CFAP74: variants seen among roughly 807,000 people sequenced by gnomAD.
The protein encoded by CFAP74 is cilia- and flagella-associated protein 74.
CFAP74 carries 124 observed loss-of-function variants against 188.9 expected under a neutral mutation model. The observed-to-expected ratio is 0.66, with a 90% confidence interval of 0.57 to 0.76. The LOEUF is 0.76. CFAP74 is among the 30% of genes least tolerant of loss of function. The probability of loss-of-function intolerance (pLI) is 0.00; values close to 1 mark genes in which losing one functional copy is unlikely to be tolerated. For missense variants in CFAP74, 2,198 were observed against 2,165.2 expected, an observed-to-expected ratio of 1.02 and a Z score of -0.30; for synonymous variants, 956 against 916.7, an observed-to-expected ratio of 1.04 and a Z score of -0.77.
chr1:1,970,948 T>G (rs982405676), intron 9 of CFAP74, 132 bp from the exon 10 acceptor site: 4 of 1,056,096 alleles, frequency 3.8e-6, no homozygotes, highest in Non-Finnish European at 5.5e-6. Context: ...CATGCACACC[T>G]GCACATGCAC....
chr1:1,973,354 G>T lies in CFAP74; in HGVS notation c.675-307C>A, dbSNP rs761272382. ...CAGGCACAGCAGTGCTGTGGGGAGG[G>T]AGGAGGCAGGGGCTGGGGACCTTGT... On this transcript the variant is annotated intron_variant, in intron 7 of 38. Transcript: ENST00000682832. This position sits in a 1 kb window ranked among gnomAD's most constrained non-coding sequence, Gnocchi z 6.2. 1.8e-4 allele frequency among the ~76,000 whole-genome samples: 27 copies of T among 152,218 alleles called. No homozygotes were observed. The highest frequency in any genetic ancestry group is 3.2e-4 in the Non-Finnish European group (22 of 68,038).
At chr1:1,981,330 C>T (rs1570969262) in intron 6 of CFAP74, among the ~76,000 whole-genome samples, 1 of 152,138 alleles carries the variant, frequency 6.6e-6, no homozygotes, top group African/African-American at 2.4e-5. Flanking sequence ...AGGGAGGGGG[C>T]GCTGCCTCCA....
intron 6 of CFAP74, among the ~76,000 whole-genome samples, chr1:1,981,156 C>T (rs1258169595): frequency 6.6e-6 from 1 of 152,252 alleles, no homozygotes; most frequent in Non-Finnish European, 1.5e-5. Context: ...GGCTCTACCG[C>T]TGGAAGCCCC....
intron 24 of CFAP74, among the ~76,000 whole-genome samples, chr1:1,939,315 G>C (rs1024921320): frequency 2.6e-5 from 4 of 152,242 alleles, no homozygotes; most frequent in East Asian, 3.8e-4. Flanking sequence ...CCTCGTCCCA[G>C]CTACCTTGTG....
chr1:1,976,436 C>T (rs139951454), intron 6 of CFAP74, among the ~76,000 whole-genome samples: 1 of 152,346 alleles, frequency 6.6e-6, no homozygotes, highest in Non-Finnish European at 1.5e-5. Flanking sequence ...CTTCCCCTTC[C>T]ACTGTGATTG....
Position 1,942,362 on chromosome 1 carries a change from C to G in CFAP74, c.2487-206G>C, listed in dbSNP as rs1386036552. ...AGGGCTGTTTTTTCTGAAATGAAAT[C>G]TGATGAAGAATTCTTAAAAATAACC... On this transcript the variant is annotated intron_variant, in intron 21 of 38. Coordinates refer to ENST00000682832, the MANE Select transcript of CFAP74 (RefSeq NM_001304360.2). This position sits in a 1 kb window ranked among gnomAD's most constrained non-coding sequence, Gnocchi z 4.3. Among the ~76,000 whole-genome samples the G allele has an allele frequency of 6.6e-6, 1 of 152,194 alleles. No homozygotes were observed. The highest frequency in any genetic ancestry group is 2.4e-5 in the African/African-American group (1 of 41,454).
At chr1:1,982,326 G>A (rs1656951874) in intron 6 of CFAP74, among the ~76,000 whole-genome samples, 1 of 150,576 alleles carries the variant, frequency 6.6e-6, no homozygotes, top group Non-Finnish European at 1.5e-5. Flanking sequence ...GGTCACACGC[G>A]GGGACACGCA....
rs770367119 is a variant in CFAP74 at position 1,923,437 on chromosome 1, G to C, written c.4452C>G (p.Gly1484=). The change falls in exon 36 of 39, where the codon GGC becomes GGG. Residue 1484 remains glycine (G), a synonymous_variant. Transcript: ENST00000682832. The surrounding 1 kb of genome is among the most constrained non-coding windows in gnomAD (Gnocchi z 6.3). ...CCACGGGCACGTCCAGGGGGTCGCC[G>C]CCCTCCACGAACATCATGTGCTGAC... is the stretch of plus-strand genomic sequence containing the variant. ...AACQHMMFVE[G]GDPLDVPVES... is the part of the protein sequence containing the mutation. The C allele has an allele frequency of 5.0e-6, 8 of 1,606,270 alleles. No homozygotes were observed. In the African/African-American group the frequency reaches 5.3e-5, roughly 11 times the overall value.
Position 1,923,890 on chromosome 1 carries a change from G to A in CFAP74, c.4274C>T (p.Ala1425Val). ...GGGGTCCATGACGCCCTTGACGGGG[G>A]CCACGCTGAACACGCTCTGACCGTT... ...NLNGQSVFSV[A>V]PVKGVMDPGK... Residue 1425 changes from alanine (A) to valine (V), a missense_variant, in exon 35 of 39, where the codon GCC becomes GTC. By Grantham distance (64) the Ala-to-Val change is moderately conservative. Coordinates refer to ENST00000682832, the MANE Select transcript of CFAP74 (RefSeq NM_001304360.2). The surrounding 1 kb of genome is among the most constrained non-coding windows in gnomAD (Gnocchi z 6.3). The A allele has an allele frequency of 6.2e-7, 1 of 1,612,950 alleles. No individual in the cohort carries two copies. Among genetic ancestry groups the A allele is most frequent in the Non-Finnish European group, 8.5e-7 (1 of 1,179,692 alleles).
intron 22 of CFAP74, among the ~76,000 whole-genome samples, chr1:1,941,135 G>GAAAGAAAGAAAGGAAAGAAAGAAAT (rs1558005803): frequency 6.6e-6 from 1 of 151,668 alleles, no homozygotes; most frequent in African/African-American, 2.4e-5. Flanking sequence ...AAGAAAGAAA[G>GAAAGAAAGAAAGGAAAGAAAGAAAT]AAATATCAGG....
At chr1:1,966,603 G>C (rs777245073) in intron 11 of CFAP74, 77 bp from the exon 12 acceptor site, 25 of 1,323,784 alleles carry the variant, frequency 1.9e-5, no homozygotes, top group Non-Finnish European at 2.1e-5. Flanking sequence ...CCCAGCCCCC[G>C]CCGGTATGGC....
chr1:1,956,919 C>T (rs182408534), intron 16 of CFAP74, 135 bp from the exon 17 acceptor site: 26 of 864,512 alleles, frequency 3.0e-5, no homozygotes, highest in Non-Finnish European at 4.1e-5. Context: ...AGCAGGTACA[C>T]GATTCAACCC....
At chr1:1,974,714 C>T (rs558469726) in intron 6 of CFAP74, among the ~76,000 whole-genome samples, 2 of 152,340 alleles carry the variant, frequency 1.3e-5, no homozygotes, top group South Asian at 4.1e-4. Flanking sequence ...TGGTCTTGGG[C>T]GAATTTGTCC....
At chr1:1,993,936 C>A (rs1030534924) in intron 1 of CFAP74, among the ~76,000 whole-genome samples, 2 of 150,166 alleles carry the variant, frequency 1.3e-5, no homozygotes, top group South Asian at 4.2e-4. Context: ...GAGCCGAGAT[C>A]ACACCACTGC....
intron 6 of CFAP74, among the ~76,000 whole-genome samples, chr1:1,974,536 C>G (rs996329816): frequency 6.6e-6 from 1 of 152,198 alleles, no homozygotes; most frequent in Non-Finnish European, 1.5e-5. Context: ...CAGGAAGGGA[C>G]AGCCGTGACT....
At chr1:1,932,756 C>A (rs1192525066) in intron 25 of CFAP74, among the ~76,000 whole-genome samples, 1 of 151,692 alleles carries the variant, frequency 6.6e-6, no homozygotes, top group African/African-American at 2.4e-5. Flanking sequence ...CCACACCTGG[C>A]TAATTTTTTG....
intron 22 of CFAP74, 61 bp downstream of exon 22, chr1:1,941,967 C>A (rs564612632): frequency 3.4e-5 from 48 of 1,397,982 alleles, no homozygotes; most frequent in Non-Finnish European, 4.3e-5. Flanking sequence ...TGGCGAGGAG[C>A]GCCTCGGAGC....
intron 18 of CFAP74, chr1:1,955,431 G>GTGCTGGGCC (rs750843255): frequency 3.3e-6 from 5 of 1,503,826 alleles, no homozygotes; most frequent in East Asian, 2.8e-5. Flanking sequence ...GGCTCCGCCC[G>GTGCTGGGCC]TGCTGGGCCT....
In CFAP74 at chr1:1,926,955, G is replaced by T; in HGVS notation, c.3601C>A (p.Pro1201Thr). The T allele has an allele frequency of 6.5e-7, 1 of 1,550,296 alleles. No homozygotes were observed. Among genetic ancestry groups the T allele is most frequent in the South Asian group, 1.2e-5 (1 of 84,060 alleles). The change falls in exon 29 of 39, where the codon CCC becomes ACC. Residue 1201 changes from proline to threonine, a missense_variant. Pro to Thr is a conservative substitution (Grantham distance 38). Coordinates refer to ENST00000682832, the MANE Select transcript of CFAP74 (RefSeq NM_001304360.2). ...FQAKFDTFVVPCVVASGDIKD... is the reference protein window; with the variant it reads ...FQAKFDTFVVTCVVASGDIKD... ...ATGTCGCCACTGGCAACAACACAGG[G>T]AACTACAAATGTGTCAAACTTCGCC... is the stretch of plus-strand genomic sequence containing the variant.
Sources: gnomAD v4.1 joint callset for allele counts (sites outside exome capture counted in the v4.1 genomes callset) on GRCh38, gnomAD v4.1.1 for gene constraint, Gnocchi (gnomAD v3.1) non-coding constraint, MANE v1.5 for transcripts, NCBI Gene and HGNC (gene_info 2026-07-23, HGNC 2026-07-21) for gene names.